RHBDL2: variants seen among roughly 807,000 people sequenced by gnomAD.
The protein encoded by RHBDL2 is rhomboid like 2, also known as rhomboid-related protein 2.
In RHBDL2, 26 loss-of-function variants were observed where a neutral mutation model predicts 31.7. That is an observed-to-expected ratio of 0.82 (90% CI 0.60 to 1.14). RHBDL2 has a LOEUF of 1.14. Among genes scored for constraint, RHBDL2 ranks in the 50% most tolerant of loss-of-function variants. The pLI is 0.00. For synonymous variants in RHBDL2, 123 were observed against 127.2 expected, an observed-to-expected ratio of 0.97 and a Z score of 0.22; for missense variants, 336 against 364.4, an observed-to-expected ratio of 0.92 and a Z score of 0.63.
In RHBDL2 at chr1:38,888,009, C is replaced by T. The variant is rs1642808112; in HGVS notation, c.686G>A (p.Gly229Glu). 3.7e-6 allele frequency: 6 copies of T among 1,612,600 alleles called. No homozygotes were observed. The highest frequency in any genetic ancestry group is 1.1e-5 in the South Asian group (1 of 91,042). The change falls in exon 7 of 8, where the codon GGA becomes GAA. Residue 229 changes from glycine to glutamate, a missense_variant. By Grantham distance (98) the Gly-to-Glu change is moderately conservative. Transcript: ENST00000372990. ...AAAGAACCTTCTATAGAGAGCAAATCCCATGTCCAACACAACTAGAAGGAA... is the reference window on the plus strand; with the variant it reads ...AAAGAACCTTCTATAGAGAGCAAATTCCATGTCCAACACAACTAGAAGGAA... ...IIILIIVLDM[G>E]FALYRRFFVP...
chr1:38,893,587 G>C (rs184469111), intron 5 of RHBDL2, among the ~76,000 whole-genome samples: 63 of 152,238 alleles, frequency 4.1e-4, no homozygotes, highest in African/African-American at 1.4e-3. Context: ...ATATTCATTT[G>C]ATGTTTCTTC....
chr1:38,911,621 TGTGTGTGTGTGTGTGTGTGTGTGTGC>T (rs1292951333), intron 3 of RHBDL2, among the ~76,000 whole-genome samples, 187 bp from the exon 4 acceptor site: 2 of 111,600 alleles, frequency 1.8e-5, no homozygotes, highest in East Asian at 2.8e-4. Flanking sequence ...TGTGTGTGTG[TGTGTGTGTGTGTGTGTGTGTGTGTGC>T]GCGCGCGCGC....
At chr1:38,900,641 A>C (rs1170275903) in intron 4 of RHBDL2, among the ~76,000 whole-genome samples, 1 of 151,930 alleles carries the variant, frequency 6.6e-6, no homozygotes, top group Non-Finnish European at 1.5e-5. Context: ...AAAAAGAGTC[A>C]CTTGAACCTG....
chr1:38,933,726 ATTT>A lies in RHBDL2; in HGVS notation c.-126+7953_-126+7955del, dbSNP rs10579780. The stretch of plus-strand genomic sequence containing the variant: ...GTGTCATACCTCACAGGTCTTCACA[ATTT>A]TTTTTTTTTTTTTTTTTGAGACAGA... On this transcript the variant is annotated intron_variant, in intron 1 of 7. Coordinates refer to ENST00000372990, the MANE Select transcript of RHBDL2 (RefSeq NM_017821.5). 2.1e-3 allele frequency among the ~76,000 whole-genome samples: 282 copies of A among 135,254 alleles called. 2 individuals carry two copies. The highest frequency in any genetic ancestry group is 6.3e-3 in the East Asian group (28 of 4,454). The allele number at this position is 135,254 out of a possible 152,430, so 88.7% of individuals were successfully genotyped here.
chr1:38,904,669 A>G (rs1470778359), intron 4 of RHBDL2, among the ~76,000 whole-genome samples: 1 of 149,104 alleles, frequency 6.7e-6, no homozygotes, highest in Non-Finnish European at 1.5e-5. Flanking sequence ...CTCTACAGAA[A>G]TAAAAAAATA....
At chr1:38,912,910 A>ATATATATATATATGTGTGTG (rs1399583863) in intron 3 of RHBDL2, among the ~76,000 whole-genome samples, 3 of 41,370 alleles carry the variant, frequency 7.3e-5, no homozygotes, top group African/African-American at 2.8e-4. Flanking sequence ...ATATATATAT[A>ATATATATATATATGTGTGTG]TGTGTGTGTG....
At chr1:38,912,595 T>C (rs571575993) in intron 3 of RHBDL2, among the ~76,000 whole-genome samples, 158 of 151,714 alleles carry the variant, frequency 1.0e-3, no homozygotes, top group African/African-American at 3.3e-3. Context: ...TTTATTTTAT[T>C]TTTTTGTAGA....
intron 6 of RHBDL2, among the ~76,000 whole-genome samples, chr1:38,888,266 G>A (rs757014762): frequency 9.2e-5 from 14 of 151,694 alleles, no homozygotes; most frequent in Non-Finnish European, 1.6e-4. Flanking sequence ...TCCTCTATGT[G>A]TCAGGCATTA....
chr1:38,939,990 C>T (rs1643546152), intron 1 of RHBDL2, among the ~76,000 whole-genome samples: 1 of 152,032 alleles, frequency 6.6e-6, no homozygotes, highest in African/African-American at 2.4e-5. Context: ...CTTTCTAATA[C>T]AGAGAAACTT....
At chr1:38,926,152 C>T in intron 1 of RHBDL2, 2 of 1,083,986 alleles carry the variant, frequency 1.8e-6, no homozygotes, top group Non-Finnish European at 2.3e-6. Context: ...GGCAGCTTGA[C>T]CAATCAGCTG....
intron 4 of RHBDL2, among the ~76,000 whole-genome samples, chr1:38,899,965 C>A (rs1346951207): frequency 6.6e-6 from 1 of 152,166 alleles, no homozygotes; most frequent in Non-Finnish European, 1.5e-5. Context: ...TCTCTAGGTC[C>A]TTTCCTGCAA....
chr1:38,894,131 C>T (rs960184322), intron 5 of RHBDL2, among the ~76,000 whole-genome samples: 2 of 152,116 alleles, frequency 1.3e-5, no homozygotes, highest in Non-Finnish European at 2.9e-5. Flanking sequence ...CAACCCAGTA[C>T]ACGCATAAAT....
At chr1:38,927,297 G>A (rs1017644066) in intron 1 of RHBDL2, among the ~76,000 whole-genome samples, 2 of 152,090 alleles carry the variant, frequency 1.3e-5, no homozygotes, top group African/African-American at 2.4e-5. Context: ...CGTGGTGGCG[G>A]GCGCCTGTAG....
chr1:38,940,146 G>A (rs115713500), intron 1 of RHBDL2, among the ~76,000 whole-genome samples: 1,535 of 152,198 alleles, frequency 0.01, 22 homozygotes, highest in African/African-American at 0.035. Context: ...ATAAAATAGG[G>A]TTAATAATAA....
intron 4 of RHBDL2, among the ~76,000 whole-genome samples, chr1:38,906,675 A>AAAAAAAAAAAGAAT (rs919266909): frequency 1.3e-5 from 2 of 149,450 alleles, no homozygotes; most frequent in African/African-American, 4.9e-5. Context: ...CTCCATCTCA[A>AAAAAAAAAAAGAAT]AAAAAAAAAA....
chr1:38,928,351 C>G (rs1282313550), intron 1 of RHBDL2, among the ~76,000 whole-genome samples: 1 of 151,800 alleles, frequency 6.6e-6, no homozygotes, highest in Non-Finnish European at 1.5e-5. Context: ...ACCGTATTAG[C>G]CAGGATGGTC....
chr1:38,903,509 C>A (rs181023759), intron 4 of RHBDL2, among the ~76,000 whole-genome samples: 71 of 152,222 alleles, frequency 4.7e-4, no homozygotes, highest in Non-Finnish European at 7.6e-4. Flanking sequence ...AGAGATAAAT[C>A]TGACCAAAAA....
chr1:38,899,457 T>C (rs980985720), intron 4 of RHBDL2, among the ~76,000 whole-genome samples: 2 of 152,192 alleles, frequency 1.3e-5, no homozygotes, highest in African/African-American at 4.8e-5. Flanking sequence ...TGCTGGTGTT[T>C]GGTGAGCCCA....
intron 4 of RHBDL2, among the ~76,000 whole-genome samples, chr1:38,901,660 A>T (rs1336943028): frequency 6.6e-6 from 1 of 151,514 alleles, no homozygotes; most frequent in Non-Finnish European, 1.5e-5. Context: ...GCATGGTGAA[A>T]CCCCGTCTCT....
Sources: gnomAD v4.1 joint callset for allele counts (sites outside exome capture counted in the v4.1 genomes callset) on GRCh38, gnomAD v4.1.1 for gene constraint, MANE v1.5 for transcripts, NCBI Gene and HGNC (gene_info 2026-07-23, HGNC 2026-07-21) for gene names.